Variants in RANBP3L observed in about 807,000 individuals in gnomAD.
RANBP3L encodes ran-binding protein 3-like.
In RANBP3L, 56 loss-of-function variants were observed where a neutral mutation model predicts 67.2. That is an observed-to-expected ratio of 0.83 (90% CI 0.67 to 1.04). RANBP3L has a LOEUF of 1.04. RANBP3L is among the 50% of genes least tolerant of loss of function. The probability of loss-of-function intolerance (pLI) is 0.00; values close to 1 mark genes in which losing one functional copy is unlikely to be tolerated. For synonymous variants in RANBP3L, 164 were observed against 181.4 expected (o/e 0.90, Z 0.77); for missense variants, 496 against 535.5 (o/e 0.93, Z 0.73).
At position 36,269,447 on chromosome 5, in the gene RANBP3L, T is replaced by C. The variant is rs773141846; in HGVS notation, c.211A>G (p.Lys71Glu). The change falls in exon 4 of 14, where the codon AAG (lysine) becomes GAG (glutamate). Residue 71 changes from lysine (K) to glutamate (E), a missense_variant. Coordinates refer to ENST00000296604, the MANE Select transcript of RANBP3L (RefSeq NM_145000.5). ...GTAAAAGATGAAGACCGTACACGCT[T>C]TGTTGGAAAACCATTACATTCTGCA... ...AEPECNGFPT[K>E]RVRSSSFTFH... The C allele has an allele frequency of 1.3e-6, 2 of 1,572,800 alleles. No homozygotes were observed. The highest frequency in any genetic ancestry group is 3.3e-5 in the Admixed American group (2 of 59,904).
intron 5 of RANBP3L, 106 bp downstream of exon 5, chr5:36,265,343 C>T: frequency 2.6e-6 from 2 of 773,250 alleles, no homozygotes; most frequent in Admixed American, 2.6e-5. Flanking sequence ...TGTTTTGTCA[C>T]TCTGACCTAC....
chr5:36,254,318 GA>G (rs1353162994), intron 11 of RANBP3L, among the ~76,000 whole-genome samples: 3 of 151,956 alleles, frequency 2.0e-5, no homozygotes, highest in Admixed American at 1.3e-4. Context: ...TATATATACA[GA>G]AAACAAAGGC....
In RANBP3L at chr5:36,264,943, T is replaced by A; in HGVS notation, c.480+16A>T. On this transcript the variant is annotated intron_variant, in intron 6 of 13. Coordinates refer to ENST00000296604, the MANE Select transcript of RANBP3L (RefSeq NM_145000.5). ...TGAGGGATTGAGGTCAGTTCCGTTA[T>A]CCTGGGCTTTCTCACCTTATTATTT... 6.2e-7 allele frequency: 1 copy of A among 1,609,156 alleles called. No homozygotes were observed. The highest frequency in any genetic ancestry group is 8.5e-7 in the Non-Finnish European group (1 of 1,178,172).
chr5:36,281,149 G>A (rs2112010844), intron 1 of RANBP3L, among the ~76,000 whole-genome samples: 1 of 152,272 alleles, frequency 6.6e-6, no homozygotes, highest in African/African-American at 2.4e-5. Context: ...ATCTCCTCAA[G>A]TTACTGTGTG....
At chr5:36,266,953 C>T (rs1749839097) in intron 4 of RANBP3L, among the ~76,000 whole-genome samples, 1 of 152,142 alleles carries the variant, frequency 6.6e-6, no homozygotes, top group South Asian at 2.1e-4. Flanking sequence ...GACCAGGTTT[C>T]ACCATGTTTG....
At chr5:36,287,001 C>T (rs573072443) in intron 1 of RANBP3L, among the ~76,000 whole-genome samples, 1 of 152,150 alleles carries the variant, frequency 6.6e-6, no homozygotes, top group Non-Finnish European at 1.5e-5. Context: ...TGAGCCCCAA[C>T]CTTTTGGCCC....
At chr5:36,279,308 G>A (rs1312544867) in intron 1 of RANBP3L, among the ~76,000 whole-genome samples, 1 of 152,114 alleles carries the variant, frequency 6.6e-6, no homozygotes, top group East Asian at 1.9e-4. Flanking sequence ...TTCTGTACTT[G>A]TTTCTACTTA....
chr5:36,261,438 T>C (rs1224160085), intron 7 of RANBP3L, among the ~76,000 whole-genome samples: 1 of 152,182 alleles, frequency 6.6e-6, no homozygotes, highest in Admixed American at 6.6e-5. Context: ...CTACCGCACC[T>C]GGACAGAGCC....
At position 36,274,701 on chromosome 5, in the gene RANBP3L, G is replaced by A. The variant is rs186396350; in HGVS notation, c.92-3390C>T. Reference sequence around the variant, plus strand: ...GATGTCGAAGAGGGATTTTAAGCAGGGGAGTGATTTGCTTTGATATGCATT... The same window carrying A: ...GATGTCGAAGAGGGATTTTAAGCAGAGGAGTGATTTGCTTTGATATGCATT... On this transcript the variant is annotated intron_variant, in intron 1 of 13. Coordinates refer to ENST00000296604, the MANE Select transcript of RANBP3L (RefSeq NM_145000.5). Among the ~76,000 whole-genome samples the A allele has an allele frequency of 3.3e-3, 496 of 152,232 alleles. 3 individuals are homozygous for A. Among genetic ancestry groups the A allele is most frequent in the African/African-American group, 0.011 (475 of 41,544 alleles).
rs1260009430 is a variant in RANBP3L at position 36,251,374 on chromosome 5, C to G, written c.1293G>C (p.Leu431Phe). The G allele has an allele frequency of 1.2e-5, 20 of 1,613,388 alleles. No individual in the cohort carries two copies. The highest frequency in any genetic ancestry group is 1.6e-5 in the Non-Finnish European group (19 of 1,179,578). Reference protein sequence around the residue: ...AESLSETAQQLNCESCDENED... With the variant: ...AESLSETAQQFNCESCDENED... Reference sequence around the variant, plus strand: ...CATTCTCATCACAGCTTTCGCAGTTCAATTGTTGGGCTGTTTCTGACAGGC... The same window carrying G: ...CATTCTCATCACAGCTTTCGCAGTTGAATTGTTGGGCTGTTTCTGACAGGC... The change falls in exon 13 of 14, where the codon TTG becomes TTC. Residue 431 changes from leucine (L) to phenylalanine (F), a missense_variant. By Grantham distance (22) the Leu-to-Phe change is conservative. Transcript: ENST00000296604.
intron 1 of RANBP3L, among the ~76,000 whole-genome samples, chr5:36,273,058 C>T (rs751881167): frequency 3.3e-5 from 5 of 152,166 alleles, no homozygotes; most frequent in Non-Finnish European, 7.3e-5. Context: ...AACTATAGCT[C>T]AATTCTTTGT....
intron 1 of RANBP3L, among the ~76,000 whole-genome samples, chr5:36,272,970 C>A (rs1750328380): frequency 6.6e-6 from 1 of 152,060 alleles, no homozygotes. Context: ...CAAGCACTTA[C>A]CATGCTGTCT....
intron 2 of RANBP3L, 100 bp downstream of exon 2, chr5:36,271,153 A>G: frequency 2.6e-6 from 2 of 755,106 alleles, no homozygotes; most frequent in Non-Finnish European, 4.7e-6. Flanking sequence ...AAAGAACAGG[A>G]TAAACCTATG....
intron 1 of RANBP3L, among the ~76,000 whole-genome samples, chr5:36,297,109 T>C (rs1752270367): frequency 6.6e-6 from 1 of 152,194 alleles, no homozygotes; most frequent in South Asian, 2.1e-4. Flanking sequence ...GTGACCAGAA[T>C]CCTTATCAAT....
intron 1 of RANBP3L, among the ~76,000 whole-genome samples, chr5:36,291,505 C>T (rs930006496): frequency 6.6e-5 from 10 of 152,188 alleles, no homozygotes; most frequent in African/African-American, 9.6e-5. Context: ...CCCACTAACT[C>T]GTCATCTAGC....
chr5:36,258,571 A>G (rs1749155325), intron 8 of RANBP3L, among the ~76,000 whole-genome samples: 1 of 152,216 alleles, frequency 6.6e-6, no homozygotes, highest in East Asian at 1.9e-4. Context: ...AATTATCTCT[A>G]TAATTCCTGT....
At position 36,291,367 on chromosome 5, in the gene RANBP3L, T is replaced by TG. The variant is rs888290007; in HGVS notation, c.91+9958_91+9959insC. Among the ~76,000 whole-genome samples the TG allele has an allele frequency of 7.9e-3, 1,186 of 150,410 alleles. 15 individuals are homozygous for TG. The highest frequency in any genetic ancestry group is 0.027 in the African/African-American group (1,104 of 40,480). On this transcript the variant is annotated intron_variant, in intron 1 of 13. Transcript: ENST00000296604. The stretch of plus-strand genomic sequence containing the variant: ...TTAATTTTTTATTTTTTTATTTTTA[T>TG]TTTTTTTCAGTTTTAGCTGTATCTT...
intron 4 of RANBP3L, among the ~76,000 whole-genome samples, chr5:36,267,674 T>A (rs1749908035): frequency 6.6e-6 from 1 of 152,178 alleles, no homozygotes; most frequent in Admixed American, 6.5e-5. Context: ...AGAATAGAGA[T>A]CATTTTAATG....
chr5:36,254,399 T>C (rs1748818633), intron 11 of RANBP3L, among the ~76,000 whole-genome samples: 1 of 152,088 alleles, frequency 6.6e-6, no homozygotes, highest in Admixed American at 6.6e-5. Context: ...TAAAAAAAAT[T>C]TTTTCAATCC....
Sources: allele counts gnomAD v4.1 joint callset (sites outside exome capture counted in the v4.1 genomes callset), GRCh38; gene constraint gnomAD v4.1.1; transcripts MANE v1.5; gene names NCBI Gene and HGNC (gene_info 2026-07-23, HGNC 2026-07-21).